The following AGMO variants were observed in gnomAD, a reference collection of about 807,000 sequenced individuals.
The protein encoded by AGMO is alkylglycerol monooxygenase.
AGMO carries 75 observed loss-of-function variants against 60.2 expected under a neutral mutation model. The ratio of observed to expected loss-of-function variants is 1.25; its 90% CI spans 1.03 to 1.51. AGMO has a LOEUF of 1.51. AGMO is among the 40% of genes most tolerant of loss of function. The probability of loss-of-function intolerance (pLI) is 0.00; values close to 1 mark genes in which losing one functional copy is unlikely to be tolerated. For synonymous variants in AGMO, 261 were observed against 177.1 expected (o/e 1.47, Z -3.76); for missense variants, 763 against 525.5 (o/e 1.45, Z -4.42).
At chr7:15,260,604 G>C (rs1783239654) in intron 12 of AGMO, among the ~76,000 whole-genome samples, 1 of 152,002 alleles carries the variant, frequency 6.6e-6, no homozygotes, top group Non-Finnish European at 1.5e-5. Flanking sequence ...CACTAGACAG[G>C]TCATCAAGAC....
the AGMO span, among the ~76,000 whole-genome samples, chr7:15,141,969 G>C: frequency 3.3e-5 from 5 of 152,120 alleles, no homozygotes; most frequent in African/African-American, 4.8e-5. Flanking sequence ...CCTCCCAAAA[G>C]ATGGGACACT....
At chr7:15,375,781 T>C (rs1562469323) in intron 10 of AGMO, among the ~76,000 whole-genome samples, 1 of 152,128 alleles carries the variant, frequency 6.6e-6, no homozygotes, top group Non-Finnish European at 1.5e-5. Context: ...CAGAATTAAA[T>C]TGCTTAATTT....
chr7:15,247,895 G>C (rs929687168), intron 12 of AGMO, among the ~76,000 whole-genome samples: 14 of 151,730 alleles, frequency 9.2e-5, no homozygotes, highest in Non-Finnish European at 1.5e-4. Context: ...TGATAGAAGA[G>C]TGCATAAAGT....
chr7:15,248,735 G>C (rs2128505746), intron 12 of AGMO, among the ~76,000 whole-genome samples: 1 of 152,246 alleles, frequency 6.6e-6, no homozygotes, highest in South Asian at 2.1e-4. Flanking sequence ...ACAGGAAATG[G>C]TGCTGAATGG....
chr7:15,330,740 T>C (rs1444281359), intron 12 of AGMO, among the ~76,000 whole-genome samples: 1 of 152,196 alleles, frequency 6.6e-6, no homozygotes, highest in Non-Finnish European at 1.5e-5. Flanking sequence ...CAAGCATTCC[T>C]GTATGCAGGT....
At chr7:15,407,324 G>A (rs73679500) in intron 5 of AGMO, among the ~76,000 whole-genome samples, 1 of 149,616 alleles carries the variant, frequency 6.7e-6, no homozygotes, top group African/African-American at 2.4e-5. Flanking sequence ...GCAATGGGGT[G>A]ATGAATTATC....
chr7:15,273,078 G>A (rs1783665969), intron 12 of AGMO, among the ~76,000 whole-genome samples: 1 of 152,156 alleles, frequency 6.6e-6, no homozygotes, highest in South Asian at 2.1e-4. Flanking sequence ...TCTGTAGGTT[G>A]CCTGCTCACT....
chr7:15,481,700 C>G (rs983818163), intron 3 of AGMO, among the ~76,000 whole-genome samples: 42 of 151,382 alleles, frequency 2.8e-4, no homozygotes, highest in African/African-American at 9.4e-4. Flanking sequence ...GAAATTAGAC[C>G]AAGTTTTGTT....
At chr7:15,358,996 T>A (rs2128558190) in intron 12 of AGMO, among the ~76,000 whole-genome samples, 1 of 152,294 alleles carries the variant, frequency 6.6e-6, no homozygotes, top group Non-Finnish European at 1.5e-5. Flanking sequence ...ATAAGGATTT[T>A]ATTTTCAGAT....
At chr7:15,175,003 G>A in the AGMO span, among the ~76,000 whole-genome samples, 1 of 149,836 alleles carries the variant, frequency 6.7e-6, no homozygotes, top group African/African-American at 2.5e-5. Context: ...GGATATATTT[G>A]CAATATATAT....
At chr7:15,146,786 C>T in the AGMO span, among the ~76,000 whole-genome samples, 1 of 152,116 alleles carries the variant, frequency 6.6e-6, no homozygotes, top group Non-Finnish European at 1.5e-5. Context: ...TGCTCTAGTG[C>T]ATTCATGATC....
chr7:15,201,629 C>A (rs1203910631), intron 12 of AGMO, among the ~76,000 whole-genome samples: 8 of 152,040 alleles, frequency 5.3e-5, no homozygotes, highest in Non-Finnish European at 1.2e-4. Context: ...AGGAATGAGG[C>A]TAGACAAGTT....
chr7:15,232,906 G>A (rs1370508552), intron 12 of AGMO, among the ~76,000 whole-genome samples: 2 of 151,834 alleles, frequency 1.3e-5, no homozygotes, highest in Non-Finnish European at 2.9e-5. Context: ...AGGAGGAAAG[G>A]AATTTAGGGT....
At chr7:15,338,814 C>A (rs1232020261) in intron 12 of AGMO, among the ~76,000 whole-genome samples, 1 of 152,062 alleles carries the variant, frequency 6.6e-6, no homozygotes, top group Non-Finnish European at 1.5e-5. Context: ...TTCAATGTTA[C>A]CTTCAGTTTA....
the AGMO span, among the ~76,000 whole-genome samples, chr7:15,121,583 C>A: frequency 6.6e-6 from 1 of 152,060 alleles, no homozygotes; most frequent in South Asian, 2.1e-4. Flanking sequence ...TGATGATGAA[C>A]TTTTTTTCAT....
At chr7:15,434,919 T>C (rs1781357234) in intron 3 of AGMO, among the ~76,000 whole-genome samples, 1 of 151,568 alleles carries the variant, frequency 6.6e-6, no homozygotes, top group African/African-American at 2.4e-5. Flanking sequence ...TCCTTTTAGT[T>C]TTGCTTTTTT....
chr7:15,128,616 T>C, the AGMO span, among the ~76,000 whole-genome samples: 103 of 152,092 alleles, frequency 6.8e-4, no homozygotes, highest in East Asian at 0.015. Flanking sequence ...ATATATAAAG[T>C]AAAAGTATAT....
At chr7:15,461,031 A>T (rs958349301) in intron 3 of AGMO, among the ~76,000 whole-genome samples, 1 of 152,126 alleles carries the variant, frequency 6.6e-6, no homozygotes, top group African/African-American at 2.4e-5. Context: ...TTGTTGTTGA[A>T]GAAGACAGAT....
chr7:15,367,462 A>T (rs949494391), intron 10 of AGMO, among the ~76,000 whole-genome samples: 8 of 152,032 alleles, frequency 5.3e-5, no homozygotes, highest in South Asian at 4.2e-4. Context: ...CTTTATTTTT[A>T]AAAAAACGCA....
Sources: gnomAD v4.1 joint callset for allele counts (sites outside exome capture counted in the v4.1 genomes callset) on GRCh38, gnomAD v4.1.1 for gene constraint, MANE v1.5 for transcripts, NCBI Gene and HGNC (gene_info 2026-07-23, HGNC 2026-07-21) for gene names.